Variants in C11orf86 observed in about 807,000 individuals in gnomAD.
C11orf86 encodes uncharacterized protein C11orf86.
Under a neutral mutation model 11.1 loss-of-function variants are expected in C11orf86, and 13 were observed. The observed-to-expected ratio is 1.17, with a 90% CI of 0.76 to 1.86. The LOEUF is 1.86. Among genes scored for constraint, C11orf86 ranks in the 40% most tolerant of loss-of-function variants. The pLI is 0.00. For missense variants in C11orf86, 144 were observed against 146.5 expected (o/e 0.98, Z 0.09); for synonymous variants, 86 against 64.7 (o/e 1.33, Z -1.58).
Position 66,975,327 on chromosome 11 carries a change from G to A in C11orf86, c.-36G>A. 4 of 1,526,988 alleles carry A rather than the reference G, an allele frequency of 2.6e-6. No homozygotes were observed. Among genetic ancestry groups the A allele is most frequent in the Non-Finnish European group, 3.5e-6 (4 of 1,141,382 alleles). The allele number at this position is 1,526,988 out of a possible 1,614,324, so 94.6% of individuals were successfully genotyped here. On this transcript the variant is annotated 5_prime_UTR_variant, in exon 1 of 2. Coordinates refer to ENST00000683896, the MANE Select transcript of C11orf86 (RefSeq NM_001353554.2). ...TCAGAGGGCCAGTGTCTTGCTGAGG[G>A]GCCGGAGCAGTCCTGTGCCTGCAGC...
In C11orf86 at chr11:66,975,678, G is replaced by A. The variant is rs1368760535; in HGVS notation, c.276+40G>A. On this transcript the variant is annotated intron_variant, in intron 1 of 1. Coordinates refer to ENST00000683896, the MANE Select transcript of C11orf86 (RefSeq NM_001353554.2). ...TGAAGGATGGAGGGTACCACAGCAG[G>A]TGGGCAGGGATTCCAGGGCAGGAAA... is the stretch of plus-strand genomic sequence containing the variant. 8 of 1,531,246 alleles carry A rather than the reference G, an allele frequency of 5.2e-6. No homozygotes were observed. In the South Asian group the frequency reaches 9.8e-5, roughly 19 times the overall value. 94.9% of individuals were successfully genotyped at this position (1,531,246 alleles called of 1,614,324 possible).
chr11:66,975,627 C>T lies in C11orf86; in HGVS notation c.265C>T (p.Arg89Trp), dbSNP rs118060724. Residue 89 changes from arginine (R) to tryptophan (W), a missense_variant, in exon 1 of 2, where the codon CGG (arginine) becomes TGG (tryptophan). Arg to Trp is a moderately radical substitution (Grantham distance 101). Transcript: ENST00000683896. ...QRRGSRWWLR[R>W]YQQQVRRRWE... Reference sequence around the variant, plus strand: ...AAGAGGCAGCCGGTGGTGGCTGAGGCGGTACCAACAGGTATGGCTGTGGGC... The same window carrying T: ...AAGAGGCAGCCGGTGGTGGCTGAGGTGGTACCAACAGGTATGGCTGTGGGC... 62,906 of 1,550,630 alleles carry T rather than the reference C, an allele frequency of 0.041. 1,897 individuals carry two copies. Among genetic ancestry groups the T allele is most frequent in the Admixed American group, 0.059 (2,981 of 50,788 alleles).
At position 66,975,472 on chromosome 11, in the gene C11orf86, G is replaced by A. The variant is rs868776996; in HGVS notation, c.110G>A (p.Ser37Asn). The change falls in exon 1 of 2, where the codon AGC becomes AAC. Residue 37 changes from serine to asparagine, a missense_variant. Transcript: ENST00000683896. ...PQEGQLRRAL[S>N]LRQGQEKSRS... is the part of the protein sequence containing the mutation. The stretch of plus-strand genomic sequence containing the variant: ...GAGGGCCAACTCCGCAGGGCGCTAA[G>A]CCTCAGACAGGGGCAAGAGAAGTCC... 3 of 1,551,248 alleles carry A rather than the reference G, an allele frequency of 1.9e-6. No homozygotes were observed. The highest frequency in any genetic ancestry group is 1.7e-4 in the Middle Eastern group (1 of 6,010).
At position 66,975,414 on chromosome 11, in the gene C11orf86, G is replaced by A. The variant is rs535035566; in HGVS notation, c.52G>A (p.Gly18Arg). 6.4e-6 allele frequency: 10 copies of A among 1,550,938 alleles called. No individual in the cohort carries two copies. In the African/African-American group the frequency reaches 8.2e-5, roughly 13 times the overall value. ...QSLREPRPSY[G>R]KLQEPWGRPQ... ...CTTGCGAGAGCCCCGACCCTCCTAT[G>A]GAAAGCTGCAGGAGCCCTGGGGGAG... is the stretch of plus-strand genomic sequence containing the variant. The change falls in exon 1 of 2, where the codon GGA becomes AGA. Residue 18 changes from glycine (G) to arginine (R), a missense_variant. Gly to Arg is a moderately radical substitution (Grantham distance 125). Transcript: ENST00000683896.
Position 66,975,525 on chromosome 11 carries a change from G to A in C11orf86, c.163G>A (p.Glu55Lys). 3.9e-6 allele frequency: 6 copies of A among 1,551,592 alleles called. No homozygotes were observed. Among genetic ancestry groups the A allele is most frequent in the Non-Finnish European group, 5.2e-6 (6 of 1,146,974 alleles). Reference sequence around the variant, plus strand: ...GTCCCAGGGCCTCGAGAGAGGCACAGAAGGGCCAGATGCCACTGCCCAGGA... The same window carrying A: ...GTCCCAGGGCCTCGAGAGAGGCACAAAAGGGCCAGATGCCACTGCCCAGGA... ...SRSQGLERGT[E>K]GPDATAQERV... is the part of the protein sequence containing the mutation. The change falls in exon 1 of 2, where the codon GAA becomes AAA. Residue 55 changes from glutamate (E) to lysine (K), a missense_variant. Physicochemically the swap from Glu to Lys is moderately conservative, Grantham distance 56. Transcript: ENST00000683896.
chr11:66,975,543 G>A lies in C11orf86; in HGVS notation c.181G>A (p.Ala61Thr). The A allele has an allele frequency of 6.4e-7, 1 of 1,551,520 alleles. No individual in the cohort carries two copies. The highest frequency in any genetic ancestry group is 2.4e-5 in the East Asian group (1 of 40,912). ...ERGTEGPDAT[A>T]QERVPGSLGD... ...AGGCACAGAAGGGCCAGATGCCACT[G>A]CCCAGGAGCGGGTGCCGGGGAGCCT... is the stretch of plus-strand genomic sequence containing the variant. The change falls in exon 1 of 2, where the codon GCC becomes ACC. Residue 61 changes from alanine (A) to threonine (T), a missense_variant. Ala to Thr is a moderately conservative substitution (Grantham distance 58). Coordinates refer to ENST00000683896, the MANE Select transcript of C11orf86 (RefSeq NM_001353554.2).
rs563967541 is a variant in C11orf86 at position 66,976,379 on chromosome 11, A to G, written c.*128A>G. 10 of 1,019,226 alleles carry G rather than the reference A, an allele frequency of 9.8e-6. No individual in the cohort carries two copies. The East Asian group carries it at 2.6e-4, about 27-fold the overall frequency. The allele number at this position is 1,019,226 out of a possible 1,614,324, so 63.1% of individuals were successfully genotyped here. ...CTCTGGACTTTGGCTGGGTGGCCCTAGGAGGCTTCTGCCACCAGCTCACTG... is the reference window on the plus strand; with the variant it reads ...CTCTGGACTTTGGCTGGGTGGCCCTGGGAGGCTTCTGCCACCAGCTCACTG... On this transcript the variant is annotated 3_prime_UTR_variant, in exon 2 of 2. Coordinates refer to ENST00000683896, the MANE Select transcript of C11orf86 (RefSeq NM_001353554.2).
chr11:66,976,158 C>T lies in C11orf86; in HGVS notation c.277-19C>T. 1 of 1,551,184 alleles carries T rather than the reference C, an allele frequency of 6.4e-7. No individual in the cohort carries two copies. Among genetic ancestry groups the T allele is most frequent in the Non-Finnish European group, 8.7e-7 (1 of 1,146,756 alleles). ...CCCACCACTCAGCCCATGGGACCTC[C>T]CCCACCTCTGTCTTCCAGCAGGTAA... On this transcript the variant is annotated intron_variant, in intron 1 of 1. Coordinates refer to ENST00000683896, the MANE Select transcript of C11orf86 (RefSeq NM_001353554.2).
At chr11:66,976,105 C>T (rs1349895269) in intron 1 of C11orf86, 72 bp from the exon 2 acceptor site, 27 of 1,436,318 alleles carry the variant, frequency 1.9e-5, no homozygotes, top group Non-Finnish European at 2.3e-5. Context: ...ACCCCCACCT[C>T]GTGGCTATGG....
At chr11:66,975,697 C>T in intron 1 of C11orf86, 59 bp downstream of exon 1, 1 of 1,520,458 alleles carries the variant, frequency 6.6e-7, no homozygotes, top group Admixed American at 2.3e-5. Context: ...GATTCCAGGG[C>T]AGGAAAGGTT....
rs1823082819 is a variant in C11orf86, at chr11:66,976,818, A to C, written c.*567A>C. On this transcript the variant is annotated 3_prime_UTR_variant, in exon 2 of 2. Transcript: ENST00000683896. ...CTCCTGGCTGAGCACTCTGTGCTGA[A>C]AACCTTTGAACCTCACGGTGTCCTG... 1 of 153,160 alleles carries C rather than the reference A, an allele frequency of 6.5e-6. No individual in the cohort carries two copies. The highest frequency in any genetic ancestry group is 1.5e-5 in the Non-Finnish European group (1 of 68,720). The allele number at this position is 153,160 out of a possible 1,614,324, so 9.5% of individuals were successfully genotyped here.
chr11:66,975,496 C>A lies in C11orf86; in HGVS notation c.134C>A (p.Ser45Tyr). 2 of 1,551,490 alleles carry A rather than the reference C, an allele frequency of 1.3e-6. No homozygotes were observed. The highest frequency in any genetic ancestry group is 1.7e-6 in the Non-Finnish European group (2 of 1,146,960). The change falls in exon 1 of 2, where the codon TCC (serine) becomes TAC (tyrosine). Residue 45 changes from serine (S) to tyrosine (Y), a missense_variant. By Grantham distance (144) the Ser-to-Tyr change is moderately radical. Transcript: ENST00000683896. ...ALSLRQGQEK[S>Y]RSQGLERGTE... The stretch of plus-strand genomic sequence containing the variant: ...AGCCTCAGACAGGGGCAAGAGAAGT[C>A]CAGGTCCCAGGGCCTCGAGAGAGGC...
chr11:66,975,527 A>C lies in C11orf86; in HGVS notation c.165A>C (p.Glu55Asp). Residue 55 changes from glutamate (E) to aspartate (D), a missense_variant, in exon 1 of 2, where the codon GAA becomes GAC. Coordinates refer to ENST00000683896, the MANE Select transcript of C11orf86 (RefSeq NM_001353554.2). Reference sequence around the variant, plus strand: ...CCCAGGGCCTCGAGAGAGGCACAGAAGGGCCAGATGCCACTGCCCAGGAGC... The same window carrying C: ...CCCAGGGCCTCGAGAGAGGCACAGACGGGCCAGATGCCACTGCCCAGGAGC... Reference protein sequence around the residue: ...SRSQGLERGTEGPDATAQERV... With the variant: ...SRSQGLERGTDGPDATAQERV... 1 of 1,551,552 alleles carries C rather than the reference A, an allele frequency of 6.4e-7. No homozygotes were observed. Among genetic ancestry groups the C allele is most frequent in the East Asian group, 2.4e-5 (1 of 40,906 alleles).
At chr11:66,975,687 G>A in intron 1 of C11orf86, 49 bp downstream of exon 1, 1 of 1,526,686 alleles carries the variant, frequency 6.6e-7, no homozygotes. Context: ...GGTGGGCAGG[G>A]ATTCCAGGGC....
rs1172574104 is a variant in C11orf86, at chr11:66,975,434, G to A, written c.72G>A (p.Trp24Ter). The change falls in exon 1 of 2, where the codon TGG becomes TGA. Residue 24 changes from tryptophan to a stop codon, truncating the protein, a stop_gained. Coordinates refer to ENST00000683896, the MANE Select transcript of C11orf86 (RefSeq NM_001353554.2). LOFTEE classifies it high-confidence loss of function. Reference sequence around the variant, plus strand: ...CCTATGGAAAGCTGCAGGAGCCCTGGGGGAGGCCCCAGGAGGGCCAACTCC... The same window carrying A: ...CCTATGGAAAGCTGCAGGAGCCCTGAGGGAGGCCCCAGGAGGGCCAACTCC... ...RPSYGKLQEP[W>*]GRPQEGQLRR... 1 of 1,551,022 alleles carries A rather than the reference G, an allele frequency of 6.4e-7. No homozygotes were observed. The highest frequency in any genetic ancestry group is 8.7e-7 in the Non-Finnish European group (1 of 1,146,886).
intron 1 of C11orf86, among the ~76,000 whole-genome samples, 170 bp from the exon 2 acceptor site, chr11:66,976,007 G>C (rs1256363595): frequency 6.6e-6 from 1 of 152,190 alleles, no homozygotes; most frequent in Non-Finnish European, 1.5e-5. Context: ...AGAAAAAGGG[G>C]AGATCTGGAC....
chr11:66,975,769 G>T, intron 1 of C11orf86, 131 bp downstream of exon 1: 1 of 1,360,902 alleles, frequency 7.3e-7, no homozygotes, highest in African/African-American at 1.5e-5. Flanking sequence ...GGAGATGAGG[G>T]TGCAGAGAGA....
chr11:66,976,145 C>T, intron 1 of C11orf86, 32 bp from the exon 2 acceptor site: 1 of 1,548,760 alleles, frequency 6.5e-7, no homozygotes, highest in Middle Eastern at 1.7e-4. Flanking sequence ...CACCACTCAG[C>T]CCATGGGACC....
In C11orf86 at chr11:66,976,181, TAAG is replaced by T. The variant is rs867260960; in HGVS notation, c.288_290del (p.Arg97del). On this transcript the variant is annotated inframe_deletion, in exon 2 of 2. Coordinates refer to ENST00000683896, the MANE Select transcript of C11orf86 (RefSeq NM_001353554.2). ...TCCCCCACCTCTGTCTTCCAGCAGG[TAAG>T]AAGAAGGTGGGAGAGCTTTGTCGCC... The T allele has an allele frequency of 1.3e-4, 206 of 1,551,298 alleles. No homozygotes were observed. Among genetic ancestry groups the T allele is most frequent in the Non-Finnish European group, 1.5e-4 (173 of 1,146,952 alleles).
Sources: allele counts gnomAD v4.1 joint callset (sites outside exome capture counted in the v4.1 genomes callset), GRCh38; gene constraint gnomAD v4.1.1; transcripts MANE v1.5; gene names NCBI Gene and HGNC (gene_info 2026-07-23, HGNC 2026-07-21).